MPPE1: variants seen among roughly 807,000 people sequenced by gnomAD.
The protein encoded by MPPE1 is metallo phosphoesterase.
Under a neutral mutation model 43.8 loss-of-function variants are expected in MPPE1, and 28 were observed. The observed-to-expected ratio is 0.64, with a 90% CI of 0.47 to 0.88. MPPE1 has a LOEUF of 0.88. Among genes scored for constraint, MPPE1 ranks in the 40% least tolerant of loss-of-function variants. The pLI, the probability that MPPE1 is intolerant of heterozygous loss-of-function variation, is 0.00. For missense variants in MPPE1, 428 were observed against 492.2 expected, an observed-to-expected ratio of 0.87 and a Z score of 1.23; for synonymous variants, 159 against 188.5, an observed-to-expected ratio of 0.84 and a Z score of 1.28.
At position 11,888,673 on chromosome 18, in the gene MPPE1, T is replaced by G; in HGVS notation, c.565A>C (p.Ile189Leu). The change falls in exon 6 of 11, where the codon ATT (isoleucine) becomes CTT (leucine). Residue 189 changes from isoleucine to leucine, a missense_variant. Transcript: ENST00000588072. ...SSERLFSWKG[I>L]NFVMVNSVAL... ...GAATTTACAAATAATACTCACTTAATGCCTTTCCAAGAAAACAGTCTTTCA... is the reference window on the plus strand; with the variant it reads ...GAATTTACAAATAATACTCACTTAAGGCCTTTCCAAGAAAACAGTCTTTCA... The G allele has an allele frequency of 6.3e-7, 1 of 1,592,172 alleles. No individual in the cohort carries two copies. Among genetic ancestry groups the G allele is most frequent in the Non-Finnish European group, 8.6e-7 (1 of 1,167,974 alleles).
chr18:11,885,390 C>T lies in MPPE1; in HGVS notation c.1008+286G>A, dbSNP rs565450425. ...ATGGTTGTTTCTTTAGAAAATTAAA[C>T]ACACACAGAGTGTAAGAGGAGAGGA... On this transcript the variant is annotated intron_variant, in intron 10 of 10. Transcript: ENST00000588072. 1.0e-5 allele frequency: 4 copies of T among 395,912 alleles called. No individual in the cohort carries two copies. The Admixed American group carries it at 1.3e-4, about 13-fold the overall frequency. 24.5% of individuals were successfully genotyped at this position (395,912 alleles called of 1,614,324 possible).
At chr18:11,898,282 G>A (rs951829226) in intron 2 of MPPE1, among the ~76,000 whole-genome samples, 4 of 152,046 alleles carry the variant, frequency 2.6e-5, no homozygotes, top group African/African-American at 7.2e-5. Context: ...ATGTTGGCCA[G>A]GCTAGTCTCA....
Position 11,883,660 on chromosome 18 carries a change from A to C in MPPE1, c.*785T>G, listed in dbSNP as rs1363307317. ...TTGATCAAGTATAAAAATCTACGAA[A>C]ACAATATGTTCTGCACATCACATCT... On this transcript the variant is annotated 3_prime_UTR_variant, in exon 11 of 11. Coordinates refer to ENST00000588072, the MANE Select transcript of MPPE1 (RefSeq NM_023075.6). 6.5e-6 allele frequency: 1 copy of C among 153,254 alleles called. No individual in the cohort carries two copies. Among genetic ancestry groups the C allele is most frequent in the Non-Finnish European group, 1.5e-5 (1 of 68,024 alleles). 9.5% of individuals were successfully genotyped at this position (153,254 alleles called of 1,614,324 possible). A position where few individuals can be genotyped will look rare whatever the true frequency, so the allele number is the denominator to read the frequency against.
At position 11,884,439 on chromosome 18, in the gene MPPE1, T is replaced by C; in HGVS notation, c.*6A>G. 6.2e-7 allele frequency: 1 copy of C among 1,612,310 alleles called. No homozygotes were observed. Among genetic ancestry groups the C allele is most frequent in the South Asian group, 1.1e-5 (1 of 91,040 alleles). On this transcript the variant is annotated 3_prime_UTR_variant, in exon 11 of 11. Transcript: ENST00000588072. Reference sequence around the variant, plus strand: ...GGGCTTTGATATTTATAATGGCGCCTGCTCTTCATCTTGTCTTACGCTTTC... The same window carrying C: ...GGGCTTTGATATTTATAATGGCGCCCGCTCTTCATCTTGTCTTACGCTTTC...
chr18:11,884,309 CATT>C lies in MPPE1; in HGVS notation c.*133_*135del, dbSNP rs1182155618. The C allele has an allele frequency of 8.8e-6, 7 of 796,514 alleles. No individual in the cohort carries two copies. Among genetic ancestry groups the C allele is most frequent in the Non-Finnish European group, 1.4e-5 (7 of 488,022 alleles). The allele number at this position is 796,514 out of a possible 1,614,324, so 49.3% of individuals were successfully genotyped here. A position where few individuals can be genotyped will look rare whatever the true frequency, so the allele number is the denominator to read the frequency against. On this transcript the variant is annotated 3_prime_UTR_variant, in exon 11 of 11. Transcript: ENST00000588072. ...ATCAACTATTTATTTTGCAGTTACTCATTTCAGTGATTGAGAATTTCTGTGCTG... is the reference window on the plus strand; with the variant it reads ...ATCAACTATTTATTTTGCAGTTACTCTCAGTGATTGAGAATTTCTGTGCTG...
intron 2 of MPPE1, among the ~76,000 whole-genome samples, chr18:11,904,401 G>A (rs1017547216): frequency 3.3e-5 from 5 of 151,334 alleles, no homozygotes; most frequent in African/African-American, 1.2e-4. Context: ...TGCAACCTCC[G>A]CCTCCTGGAC....
intron 2 of MPPE1, among the ~76,000 whole-genome samples, chr18:11,900,844 C>T (rs914439100): frequency 5.1e-4 from 77 of 150,256 alleles, no homozygotes; most frequent in Admixed American, 1.2e-3. Flanking sequence ...GAGGCAAAGC[C>T]TGCAGTGAGC....
In MPPE1 at chr18:11,885,930, A is replaced by G. The variant is rs752615111; in HGVS notation, c.868-114T>C. ...CTTCTTTCCTTAAATTACATACTAA[A>G]TCCTTATTTTGAAGGACTGGTTTAT... On this transcript the variant is annotated intron_variant, in intron 9 of 10. Coordinates refer to ENST00000588072, the MANE Select transcript of MPPE1 (RefSeq NM_023075.6). 2.9e-5 allele frequency: 30 copies of G among 1,050,008 alleles called. No homozygotes were observed. In the African/African-American group the frequency reaches 3.9e-4, roughly 14 times the overall value. 65.0% of individuals were successfully genotyped at this position (1,050,008 alleles called of 1,614,324 possible).
chr18:11,903,366 C>T (rs1358455640), intron 2 of MPPE1, among the ~76,000 whole-genome samples: 2 of 152,132 alleles, frequency 1.3e-5, no homozygotes, highest in Non-Finnish European at 2.9e-5. Flanking sequence ...CGTACAACTT[C>T]CTAAACACAC....
At chr18:11,906,882 G>A (rs2039774643) in intron 1 of MPPE1, among the ~76,000 whole-genome samples, 1 of 150,688 alleles carries the variant, frequency 6.6e-6, no homozygotes, top group South Asian at 2.1e-4. Flanking sequence ...ATTTATCTTT[G>A]AACTTTTCAA....
At position 11,896,978 on chromosome 18, in the gene MPPE1, T is replaced by A. The variant is rs1190997314; in HGVS notation, c.281+6A>T. 6.2e-7 allele frequency: 1 copy of A among 1,607,596 alleles called. No homozygotes were observed. Among genetic ancestry groups the A allele is most frequent in the South Asian group, 1.1e-5 (1 of 90,676 alleles). Reference sequence around the variant, plus strand: ...TTTTAGAAAGATTCCTGATTTTACCTCTTACCTTCGTAATTTGTCCAGCCA... The same window carrying A: ...TTTTAGAAAGATTCCTGATTTTACCACTTACCTTCGTAATTTGTCCAGCCA... On this transcript the variant is annotated splice_donor_region_variant and intron_variant, in intron 3 of 10. Transcript: ENST00000588072.
chr18:11,900,217 G>A (rs8089951), intron 2 of MPPE1, among the ~76,000 whole-genome samples: 19,514 of 152,094 alleles, frequency 0.13, 2,294 homozygotes, highest in African/African-American at 0.32. Context: ...GTGATGGTGT[G>A]CACCTGTAAT....
chr18:11,906,684 C>T (rs1429323293), intron 1 of MPPE1, among the ~76,000 whole-genome samples: 2 of 151,728 alleles, frequency 1.3e-5, no homozygotes, highest in African/African-American at 4.8e-5. Context: ...GGAGAAACCC[C>T]GTCTCTACTA....
At chr18:11,903,577 C>T (rs947901504) in intron 2 of MPPE1, among the ~76,000 whole-genome samples, 6 of 152,106 alleles carry the variant, frequency 3.9e-5, no homozygotes, top group African/African-American at 9.7e-5. Context: ...GAGGCCGAGG[C>T]GGGCGGATCA....
chr18:11,906,786 G>T (rs1030411400), intron 1 of MPPE1, among the ~76,000 whole-genome samples: 1 of 151,160 alleles, frequency 6.6e-6, no homozygotes, highest in Non-Finnish European at 1.5e-5. Context: ...TGCGGGAGGC[G>T]GAGGTTGTAG....
In MPPE1 at chr18:11,890,133, G is replaced by A. The variant is rs181448813; in HGVS notation, c.391-643C>T. The stretch of plus-strand genomic sequence containing the variant: ...AATTTTTTGTATTTTTAGTAGAGAC[G>A]GGGTTTCACTGTGTTAGCCAGGATG... On this transcript the variant is annotated intron_variant, in intron 4 of 10. Coordinates refer to ENST00000588072, the MANE Select transcript of MPPE1 (RefSeq NM_023075.6). 5.1e-3 allele frequency among the ~76,000 whole-genome samples: 720 copies of A among 141,808 alleles called. 3 individuals carry two copies. Among genetic ancestry groups the A allele is most frequent in the African/African-American group, 0.017 (679 of 38,900 alleles). The allele number at this position is 141,808 out of a possible 152,430, so 93.0% of individuals were successfully genotyped here.
chr18:11,902,620 A>C (rs2039316978), intron 2 of MPPE1: 1 of 152,196 alleles, frequency 6.6e-6, no homozygotes, highest in African/African-American at 2.4e-5. Context: ...CCAGTATGCA[A>C]ACCCTTGCTG....
In MPPE1 at chr18:11,885,660, T is replaced by TA; in HGVS notation, c.1008+15dup. 1 of 1,602,668 alleles carries TA rather than the reference T, an allele frequency of 6.2e-7. No homozygotes were observed. Among genetic ancestry groups the TA allele is most frequent in the Non-Finnish European group, 8.5e-7 (1 of 1,171,436 alleles). ...ACTTATGAAAGCTTTCAGACAAAAA[T>TA]AAACTTTCACGTTACCATGATGAAA... On this transcript the variant is annotated intron_variant, in intron 10 of 10. Transcript: ENST00000588072.
chr18:11,896,152 A>G (rs927321928), intron 3 of MPPE1, among the ~76,000 whole-genome samples: 1 of 120,314 alleles, frequency 8.3e-6, no homozygotes, highest in Non-Finnish European at 1.6e-5. Context: ...CCCAGGCTGG[A>G]GTGCAGTGGT....
Sources: gnomAD v4.1 joint callset for allele counts (sites outside exome capture counted in the v4.1 genomes callset) on GRCh38, gnomAD v4.1.1 for gene constraint, MANE v1.5 for transcripts, NCBI Gene and HGNC (gene_info 2026-07-23, HGNC 2026-07-21) for gene names.